The following CSMD1 variants were observed in gnomAD, a reference collection of about 807,000 sequenced individuals.
CSMD1 encodes CUB and sushi domain-containing protein 1.
CSMD1 carries 213 observed loss-of-function variants against 417.5 expected under a neutral mutation model. The observed-to-expected ratio is 0.51, with a 90% CI of 0.46 to 0.57. The LOEUF (loss-of-function observed/expected upper bound fraction) is 0.57, where lower values mean the gene tolerates loss of function less well. CSMD1 is among the 20% of genes least tolerant of loss of function. CSMD1 has a pLI of 0.00. For missense variants in CSMD1, 6,923 were observed against 4,529.7 expected, an observed-to-expected ratio of 1.53 and a Z score of -15.17; for synonymous variants, 2,862 against 1,736.8, an observed-to-expected ratio of 1.65 and a Z score of -16.11.
chr8:4,132,786 A>G (rs1803190040), intron 3 of CSMD1, among the ~76,000 whole-genome samples: 1 of 152,178 alleles, frequency 6.6e-6, no homozygotes, highest in Non-Finnish European at 1.5e-5. Context: ...AAAGACACAA[A>G]CTGTGTGTGA....
Position 3,141,519 on chromosome 8 carries a change from G to T in CSMD1, c.6241+946C>A, listed in dbSNP as rs868805435. ...TGTAAGATTAGACATTATGGTTTAG[G>T]GGTCATGCAGCCTCTGGTTCCAAGT... On this transcript the variant is annotated intron_variant, in intron 41 of 69. Coordinates refer to ENST00000635120, the MANE Select transcript of CSMD1 (RefSeq NM_033225.6). Among the ~76,000 whole-genome samples, 23 of 152,194 alleles carry T rather than the reference G, an allele frequency of 1.5e-4. No homozygotes were observed. The Middle Eastern group carries it at 0.024, about 158-fold the overall frequency.
chr8:3,864,586 C>T (rs369698619), intron 5 of CSMD1, among the ~76,000 whole-genome samples: 9 of 152,252 alleles, frequency 5.9e-5, no homozygotes, highest in East Asian at 1.9e-4. Flanking sequence ...TCATTTAGCA[C>T]TAGGTATATC....
rs140443117 is a variant in CSMD1, at chr8:3,932,381, T to C, written c.818+65522A>G. Reference sequence around the variant, plus strand: ...AATGAATATAGGCACTTGGGTGTTTTGCTATGCCTGCAACATATGCCATCT... The same window carrying C: ...AATGAATATAGGCACTTGGGTGTTTCGCTATGCCTGCAACATATGCCATCT... On this transcript the variant is annotated intron_variant, in intron 5 of 69. Transcript: ENST00000635120. 5.9e-3 allele frequency among the ~76,000 whole-genome samples: 891 copies of C among 150,714 alleles called. 49 individuals carry two copies. Among genetic ancestry groups the C allele is most frequent in the Middle Eastern group, 0.017 (5 of 294 alleles).
intron 10 of CSMD1, among the ~76,000 whole-genome samples, chr8:3,544,401 G>T (rs1005992928): frequency 1.3e-5 from 2 of 151,826 alleles, no homozygotes; most frequent in African/African-American, 4.8e-5. Context: ...TCCTATATAC[G>T]AACAAGCATT....
chr8:3,323,723 C>A (rs1806303517), intron 23 of CSMD1, among the ~76,000 whole-genome samples: 1 of 151,498 alleles, frequency 6.6e-6, no homozygotes, highest in African/African-American at 2.4e-5. Context: ...ACATCCAACC[C>A]CAGAGACCCA....
chr8:4,190,923 G>T (rs1430394570), intron 3 of CSMD1, among the ~76,000 whole-genome samples: 2 of 146,862 alleles, frequency 1.4e-5, no homozygotes, highest in Non-Finnish European at 1.5e-5. Context: ...ACACATAGGT[G>T]AACGACACAA....
intron 49 of CSMD1, among the ~76,000 whole-genome samples, chr8:3,058,880 G>A (rs1812406589): frequency 1.3e-5 from 2 of 151,934 alleles, no homozygotes; most frequent in Admixed American, 1.3e-4. Context: ...ACCCTGCAGG[G>A]ACCTCCCACC....
chr8:3,112,157 C>A (rs561006133), intron 42 of CSMD1, among the ~76,000 whole-genome samples: 1 of 151,864 alleles, frequency 6.6e-6, no homozygotes, highest in South Asian at 2.1e-4. Flanking sequence ...TTTCAAGAGT[C>A]CCTACTGTCT....
In CSMD1 at chr8:2,996,822, AAAC is replaced by A. The variant is rs536173550; in HGVS notation, c.8377+1186_8377+1188del. 1.6e-3 allele frequency among the ~76,000 whole-genome samples: 239 copies of A among 152,368 alleles called. 1 individual carries two copies. The highest frequency in any genetic ancestry group is 5.6e-3 in the African/African-American group (232 of 41,594). On this transcript the variant is annotated intron_variant, in intron 54 of 69. Coordinates refer to ENST00000635120, the MANE Select transcript of CSMD1 (RefSeq NM_033225.6). ...TTTCCCATGTAATTATTAAAGGAAA[AAAC>A]AAACACAAATACAATGAAAGAAGAA...
chr8:3,695,764 C>T (rs571056228), intron 7 of CSMD1, among the ~76,000 whole-genome samples: 2 of 152,260 alleles, frequency 1.3e-5, no homozygotes, highest in South Asian at 2.1e-4. Flanking sequence ...TGAGCATATT[C>T]AATACATGAT....
intron 5 of CSMD1, among the ~76,000 whole-genome samples, chr8:3,950,573 G>C (rs1399867868): frequency 6.6e-6 from 1 of 152,222 alleles, no homozygotes; most frequent in African/African-American, 2.4e-5. Flanking sequence ...CTTGCCCATA[G>C]CAATATTGCG....
chr8:3,028,108 A>G (rs976882112), intron 51 of CSMD1, among the ~76,000 whole-genome samples: 1 of 152,230 alleles, frequency 6.6e-6, no homozygotes, highest in Non-Finnish European at 1.5e-5. Context: ...TGCCAGCCGC[A>G]GAAGCCCTGT....
At chr8:3,756,096 C>T (rs1011039094) in intron 5 of CSMD1, among the ~76,000 whole-genome samples, 2 of 152,174 alleles carry the variant, frequency 1.3e-5, no homozygotes, top group Non-Finnish European at 1.5e-5. Flanking sequence ...GTGGCTCACA[C>T]CTCTAATCCC....
intron 23 of CSMD1, among the ~76,000 whole-genome samples, chr8:3,320,820 C>G (rs1187212291): frequency 6.6e-6 from 1 of 152,178 alleles, no homozygotes. Flanking sequence ...GCCTGCAGAG[C>G]GAGGGCGCAG....
intron 3 of CSMD1, among the ~76,000 whole-genome samples, chr8:4,295,155 C>T (rs1020167301): frequency 2.8e-5 from 4 of 141,118 alleles, no homozygotes; most frequent in African/African-American, 7.7e-5. Flanking sequence ...TAAGATTACG[C>T]ACATATAATC....
At chr8:3,370,985 A>G (rs1180573314) in intron 18 of CSMD1, among the ~76,000 whole-genome samples, 2 of 152,028 alleles carry the variant, frequency 1.3e-5, no homozygotes, top group Non-Finnish European at 2.9e-5. Flanking sequence ...CAAAAAAAAA[A>G]AGGCAGAGTA....
chr8:3,443,319 C>T (rs1256839466), intron 12 of CSMD1, among the ~76,000 whole-genome samples: 1 of 152,034 alleles, frequency 6.6e-6, no homozygotes, highest in Non-Finnish European at 1.5e-5. Context: ...GAGTGCTGTA[C>T]AGCCAGAGAA....
chr8:4,677,541 G>C (rs1243932997), intron 1 of CSMD1, among the ~76,000 whole-genome samples: 2 of 152,080 alleles, frequency 1.3e-5, no homozygotes, highest in Non-Finnish European at 2.9e-5. Flanking sequence ...CTTATAATCT[G>C]CACTACATCA....
intron 4 of CSMD1, among the ~76,000 whole-genome samples, chr8:4,013,390 G>A (rs539449242): frequency 4.6e-5 from 7 of 152,020 alleles, no homozygotes; most frequent in African/African-American, 9.7e-5. Flanking sequence ...TGATATTCTC[G>A]CAGGGCTCAC....
Sources: allele counts gnomAD v4.1 joint callset (sites outside exome capture counted in the v4.1 genomes callset), GRCh38; gene constraint gnomAD v4.1.1; transcripts MANE v1.5; gene names NCBI Gene and HGNC (gene_info 2026-07-23, HGNC 2026-07-21).